The following RBFOX1 variants were observed in gnomAD, a reference collection of about 807,000 sequenced individuals.
RBFOX1 encodes RNA binding protein fox-1 homolog 1.
A neutral mutation model predicts 57.7 loss-of-function variants in RBFOX1; 8 were observed. That is an observed-to-expected ratio of 0.14 (90% CI 0.08 to 0.25). The LOEUF (loss-of-function observed/expected upper bound fraction) is 0.25. RBFOX1 is among the 10% of genes least tolerant of loss of function. RBFOX1 has a pLI of 1.00. For missense variants in RBFOX1, 611 were observed against 548.5 expected (o/e 1.11, Z -1.14); for synonymous variants, 326 against 222.4 (o/e 1.47, Z -4.15).
intron 4 of RBFOX1, among the ~76,000 whole-genome samples, chr16:7,158,088 C>T (rs1201036943): frequency 6.6e-6 from 1 of 152,100 alleles, no homozygotes; most frequent in Admixed American, 6.5e-5. Flanking sequence ...GTAGCTCAAG[C>T]CTGTAATTCC....
At chr16:6,530,179 A>C (rs1291886420) in intron 2 of RBFOX1, among the ~76,000 whole-genome samples, 1 of 151,950 alleles carries the variant, frequency 6.6e-6, no homozygotes, top group Non-Finnish European at 1.5e-5. Context: ...ATTTTGTATG[A>C]CTTTGGAGCA....
At chr16:6,343,574 A>G (rs533019588) in intron 2 of RBFOX1, among the ~76,000 whole-genome samples, 2 of 152,318 alleles carry the variant, frequency 1.3e-5, no homozygotes, top group South Asian at 2.1e-4. Context: ...TATCTTTGCC[A>G]CAAACAACAA....
At chr16:7,019,650 A>G (rs2094107267) in intron 3 of RBFOX1, among the ~76,000 whole-genome samples, 1 of 152,148 alleles carries the variant, frequency 6.6e-6, no homozygotes, top group South Asian at 2.1e-4. Flanking sequence ...TTCCTAGGCT[A>G]GGCCATTACT....
intron 14 of RBFOX1, among the ~76,000 whole-genome samples, chr16:7,697,268 CA>C (rs1044536176): frequency 6.6e-6 from 1 of 152,052 alleles, no homozygotes; most frequent in African/African-American, 2.4e-5. Context: ...GATGGGAGAA[CA>C]AACAGGACAT....
intron 5 of RBFOX1, among the ~76,000 whole-genome samples, chr16:7,565,037 C>G (rs949771504): frequency 6.6e-6 from 1 of 152,060 alleles, no homozygotes; most frequent in Non-Finnish European, 1.5e-5. Flanking sequence ...ATTTGTTTGC[C>G]GACGGAGCTC....
At chr16:5,505,877 C>T (rs915388726) in intron 2 of RBFOX1, among the ~76,000 whole-genome samples, 1 of 152,130 alleles carries the variant, frequency 6.6e-6, no homozygotes, top group African/African-American at 2.4e-5. Flanking sequence ...CCTGCCATGA[C>T]ATTTCTACCA....
intron 4 of RBFOX1, among the ~76,000 whole-genome samples, chr16:5,900,868 A>G (rs1008148599): frequency 4.6e-5 from 7 of 152,156 alleles, no homozygotes; most frequent in African/African-American, 1.7e-4. Context: ...CCCCTATTCC[A>G]AAAAACCAAG....
intron 1 of RBFOX1, among the ~76,000 whole-genome samples, chr16:6,143,214 T>C (rs551724701): frequency 2.9e-4 from 44 of 152,338 alleles, no homozygotes; most frequent in African/African-American, 1.0e-3. Flanking sequence ...GGAGCTGTCA[T>C]TGAGTGCCTT....
At chr16:5,262,547 C>G (rs1016234081) in intron 1 of RBFOX1, among the ~76,000 whole-genome samples, 3 of 152,230 alleles carry the variant, frequency 2.0e-5, no homozygotes, top group Admixed American at 1.3e-4. Flanking sequence ...AGCTTGCTGG[C>G]TGCAGACTCC....
intron 2 of RBFOX1, among the ~76,000 whole-genome samples, chr16:5,481,962 G>C (rs1446995547): frequency 6.6e-6 from 1 of 152,052 alleles, no homozygotes; most frequent in East Asian, 1.9e-4. Context: ...CACCAAATAC[G>C]GTCACATTCT....
intron 2 of RBFOX1, among the ~76,000 whole-genome samples, chr16:6,410,161 C>G (rs1330605708): frequency 9.6e-6 from 1 of 104,438 alleles, no homozygotes; most frequent in African/African-American, 4.1e-5. Context: ...TTTTAAGCAT[C>G]ATAAGGCTGT....
At chr16:6,067,824 T>A (rs2095786822) in intron 1 of RBFOX1, among the ~76,000 whole-genome samples, 2 of 152,330 alleles carry the variant, frequency 1.3e-5, no homozygotes, top group African/African-American at 4.8e-5. Flanking sequence ...ACTGTTTAAT[T>A]ATACCAGCCC....
chr16:7,029,071 TATATATATATACACACACACACACAC>T (rs1214191528), intron 3 of RBFOX1, among the ~76,000 whole-genome samples: 3 of 25,554 alleles, frequency 1.2e-4, no homozygotes, highest in Non-Finnish European at 2.0e-4. Context: ...TATATATATA[TATATATATATACACACACACACACAC>T]ACACACACAC....
chr16:5,485,770 T>C (rs1029932471), intron 2 of RBFOX1, among the ~76,000 whole-genome samples: 8 of 152,194 alleles, frequency 5.3e-5, no homozygotes, highest in Admixed American at 2.6e-4. Flanking sequence ...TCAAAAGTGC[T>C]TGTGAGTGTG....
At chr16:7,326,654 T>C (rs1354244703) in intron 4 of RBFOX1, among the ~76,000 whole-genome samples, 2 of 150,770 alleles carry the variant, frequency 1.3e-5, no homozygotes, top group East Asian at 3.9e-4. Context: ...AGGGTACAGG[T>C]GTTTTGTACC....
At chr16:7,042,766 A>T (rs2046593683) in intron 3 of RBFOX1, among the ~76,000 whole-genome samples, 1 of 152,106 alleles carries the variant, frequency 6.6e-6, no homozygotes, top group African/African-American at 2.4e-5. Context: ...TCTCTGCTAC[A>T]AATGCAAAAA....
At chr16:5,877,034 C>G (rs2057629993) in intron 4 of RBFOX1, among the ~76,000 whole-genome samples, 1 of 152,036 alleles carries the variant, frequency 6.6e-6, no homozygotes, top group Non-Finnish European at 1.5e-5. Context: ...AGGCCAAGGG[C>G]AAAGATTTAT....
At chr16:7,068,833 C>T (rs1000285406) in intron 4 of RBFOX1, among the ~76,000 whole-genome samples, 4 of 152,228 alleles carry the variant, frequency 2.6e-5, no homozygotes, top group African/African-American at 7.2e-5. Flanking sequence ...AAGTGGTCCA[C>T]CTGCCATGGC....
At chr16:6,859,941 GAC>G (rs2058707483) in intron 3 of RBFOX1, among the ~76,000 whole-genome samples, 1 of 152,142 alleles carries the variant, frequency 6.6e-6, no homozygotes, top group Non-Finnish European at 1.5e-5. Context: ...AATGAATTGA[GAC>G]AGCTGAATAG....
Sources: allele counts gnomAD v4.1 joint callset (sites outside exome capture counted in the v4.1 genomes callset), GRCh38; gene constraint gnomAD v4.1.1; transcripts MANE v1.5; gene names NCBI Gene and HGNC (gene_info 2026-07-23, HGNC 2026-07-21).